The following D2HGDH variants were observed in gnomAD, a reference collection of about 807,000 sequenced individuals.
The protein encoded by D2HGDH is D-2-hydroxyglutarate dehydrogenase, mitochondrial.
In D2HGDH, 31 loss-of-function variants were observed where a neutral mutation model predicts 46.9. That is an observed-to-expected ratio of 0.66 (90% confidence interval 0.50 to 0.89). D2HGDH has a LOEUF of 0.89. D2HGDH is among the 40% of genes least tolerant of loss of function. D2HGDH has a pLI of 0.00. For missense variants in D2HGDH, 698 were observed against 720.8 expected (o/e 0.97, Z 0.36); for synonymous variants, 364 against 332.6 (o/e 1.09, Z -1.03).
intron 6 of D2HGDH, chr2:241,749,706 G>T (rs1209861439): frequency 9.0e-6 from 3 of 334,544 alleles, no homozygotes; most frequent in Non-Finnish European, 1.8e-5. Flanking sequence ...CTCAGGTGCT[G>T]TGTGGTTCTT....
chr2:241,746,231 C>T (rs924400761), intron 6 of D2HGDH, among the ~76,000 whole-genome samples: 6 of 152,250 alleles, frequency 3.9e-5, no homozygotes, highest in Non-Finnish European at 5.9e-5. Context: ...TTGTCATCAT[C>T]GTGTCTCTCT....
At position 241,755,363 on chromosome 2, in the gene D2HGDH, G is replaced by GCCCCCTTCCCTACCCTGCC. The variant is rs1344221786; in HGVS notation, c.1141-483_1141-465dup. The GCCCCCTTCCCTACCCTGCC allele has an allele frequency of 1.0e-5, 13 of 1,303,576 alleles. No individual in the cohort carries two copies. The African/African-American group carries it at 2.0e-4, about 20-fold the overall frequency. The allele number at this position is 1,303,576 out of a possible 1,614,324, so 80.8% of individuals were successfully genotyped here. On this transcript the variant is annotated intron_variant, in intron 8 of 9. Coordinates refer to ENST00000321264, the MANE Select transcript of D2HGDH (RefSeq NM_152783.5). ...GTCCCCACTGCCTGTGTGACTCTGCGCCCCCTTCCCTACCCTGCCCCACCC... is the reference window on the plus strand; with the variant it reads ...GTCCCCACTGCCTGTGTGACTCTGCGCCCCCTTCCCTACCCTGCCCCCCCTTCCCTACCCTGCCCCACCC...
intron 9 of D2HGDH, among the ~76,000 whole-genome samples, chr2:241,756,888 TG>T (rs1341464658): frequency 1.3e-5 from 2 of 151,730 alleles, no homozygotes; most frequent in Admixed American, 6.6e-5. Flanking sequence ...AGGGCAGGGG[TG>T]GGGGCAGTGC....
chr2:241,755,765 T>C (rs1698095314), intron 8 of D2HGDH, 84 bp from the exon 9 acceptor site: 2 of 1,610,866 alleles, frequency 1.2e-6, no homozygotes, highest in Middle Eastern at 1.7e-4. Flanking sequence ...AACATGCTGC[T>C]GCCCTAACCC....
intron 9 of D2HGDH, among the ~76,000 whole-genome samples, 171 bp from the exon 10 acceptor site, chr2:241,767,539 A>G (rs1575351191): frequency 6.6e-6 from 1 of 150,620 alleles, no homozygotes; most frequent in African/African-American, 2.4e-5. Flanking sequence ...CCAAGGTAGC[A>G]GCGGCCCCAG....
At chr2:241,746,887 CA>C (rs148116391) in intron 6 of D2HGDH, among the ~76,000 whole-genome samples, 766 of 68,614 alleles carry the variant, frequency 0.011, 6 homozygotes, top group African/African-American at 0.026. Flanking sequence ...GACTCCATCT[CA>C]AAAAAAAAAA....
intron 2 of D2HGDH, among the ~76,000 whole-genome samples, chr2:241,740,581 G>A (rs1049843448): frequency 2.6e-5 from 4 of 152,180 alleles, no homozygotes; most frequent in African/African-American, 9.7e-5. Flanking sequence ...GTGCAGTGTT[G>A]CGATCATAGC....
At chr2:241,746,481 C>T (rs1399102927) in intron 6 of D2HGDH, among the ~76,000 whole-genome samples, 1 of 152,184 alleles carries the variant, frequency 6.6e-6, no homozygotes, top group East Asian at 1.9e-4. Context: ...TGTCTTTAAA[C>T]ATAGTTTGAC....
chr2:241,739,834 G>A (rs1334924572), intron 2 of D2HGDH, among the ~76,000 whole-genome samples: 2 of 152,238 alleles, frequency 1.3e-5, no homozygotes, highest in Admixed American at 1.3e-4. Flanking sequence ...CGAAGGGAAA[G>A]CCCTCCCTCG....
chr2:241,745,363 C>T lies in D2HGDH; in HGVS notation c.853+486C>T, dbSNP rs910447509. On this transcript the variant is annotated intron_variant, in intron 6 of 9. Coordinates refer to ENST00000321264, the MANE Select transcript of D2HGDH (RefSeq NM_152783.5). ...CCTGCTTCACTCACAGCCACTTCTT[C>T]GGTTCTCCTGGGACCTGCCTGCGGC... 2.6e-5 allele frequency among the ~76,000 whole-genome samples: 4 copies of T among 152,236 alleles called. No homozygotes were observed. The South Asian group carries it at 8.3e-4, about 32-fold the overall frequency.
intron 6 of D2HGDH, among the ~76,000 whole-genome samples, chr2:241,748,056 C>T (rs1424166327): frequency 1.3e-5 from 2 of 152,194 alleles, no homozygotes; most frequent in Non-Finnish European, 2.9e-5. Context: ...CGGCCAACAG[C>T]GTTGACTTGG....
At chr2:241,738,795 C>T (rs926248213) in intron 2 of D2HGDH, among the ~76,000 whole-genome samples, 4 of 152,170 alleles carry the variant, frequency 2.6e-5, no homozygotes, top group South Asian at 4.1e-4. Context: ...TTGGTGAGGG[C>T]GAGGCTGAAT....
rs1021662415 is a variant in D2HGDH, at chr2:241,768,395, A to G, written c.*426A>G. ...GCAGCGGGGGGCATGCGTGGGCAGC[A>G]GGGGGCGTGGGCAGCGGGGGCACGG... On this transcript the variant is annotated 3_prime_UTR_variant, in exon 10 of 10. Coordinates refer to ENST00000321264, the MANE Select transcript of D2HGDH (RefSeq NM_152783.5). 4.3e-5 allele frequency: 8 copies of G among 187,362 alleles called. No homozygotes were observed. Among genetic ancestry groups the G allele is most frequent in the African/African-American group, 9.7e-5 (4 of 41,146 alleles). The allele number at this position is 187,362 out of a possible 1,614,324, so 11.6% of individuals were successfully genotyped here. A position where few individuals can be genotyped will look rare whatever the true frequency, so the allele number is the denominator to read the frequency against.
At chr2:241,764,624 C>T (rs35652684) in intron 9 of D2HGDH, among the ~76,000 whole-genome samples, 3,144 of 152,338 alleles carry the variant, frequency 0.021, 187 homozygotes, top group East Asian at 0.11. Flanking sequence ...ATTCCTGTGC[C>T]GCTCTGAGGC....
chr2:241,750,075 TTGC>T (rs1227875073), intron 6 of D2HGDH, 73 bp from the exon 7 acceptor site: 1 of 1,609,020 alleles, frequency 6.2e-7, no homozygotes, highest in African/African-American at 1.3e-5. Context: ...CGGGCTGATG[TTGC>T]TGCTTTGAAG....
At chr2:241,756,887 G>A (rs1431877439) in intron 9 of D2HGDH, among the ~76,000 whole-genome samples, 2 of 152,134 alleles carry the variant, frequency 1.3e-5, no homozygotes, top group Non-Finnish European at 2.9e-5. Context: ...TAGGGCAGGG[G>A]TGGGGGCAGT....
chr2:241,741,083 A>G lies in D2HGDH; in HGVS notation c.343A>G (p.Ile115Val). Residue 115 changes from isoleucine (I) to valine (V), a missense_variant, in exon 3 of 10, where the codon ATC (isoleucine) becomes GTC (valine). Transcript: ENST00000321264. ...ACGGACGTCGGAGGAGGTGTCCCAC[A>G]TCCTCAGGTGAGGTGGTGGCTCCCG... ...RPRTSEEVSHILRHCHERNLA... is the reference protein window; with the variant it reads ...RPRTSEEVSHVLRHCHERNLA... 5.6e-6 allele frequency: 9 copies of G among 1,613,746 alleles called. No individual in the cohort carries two copies. Among genetic ancestry groups the G allele is most frequent in the Non-Finnish European group, 6.8e-6 (8 of 1,179,876 alleles).
chr2:241,748,474 G>A (rs1696453688), intron 6 of D2HGDH, among the ~76,000 whole-genome samples: 2 of 152,168 alleles, frequency 1.3e-5, no homozygotes, highest in Admixed American at 1.3e-4. Flanking sequence ...TGTTTTCACT[G>A]GGCACTGGGT....
chr2:241,734,711 CGCGCGGA>C lies in D2HGDH; in HGVS notation c.-93+21_-93+27del, dbSNP rs1559331722. On this transcript the variant is annotated intron_variant, in intron 1 of 9. Coordinates refer to ENST00000321264, the MANE Select transcript of D2HGDH (RefSeq NM_152783.5). ...GTGATCGTGGGTGCGTGCGCGCGGC[CGCGCGGA>C]GCGCTGGGCTGAGGGTCCCGGTCTG... The C allele has an allele frequency of 6.6e-6, 1 of 152,172 alleles. No individual in the cohort carries two copies. Among genetic ancestry groups the C allele is most frequent in the African/African-American group, 2.4e-5 (1 of 41,328 alleles). 9.4% of individuals were successfully genotyped at this position (152,172 alleles called of 1,614,324 possible). A position where few individuals can be genotyped will look rare whatever the true frequency, so the allele number is the denominator to read the frequency against.
Sources: allele counts gnomAD v4.1 joint callset (sites outside exome capture counted in the v4.1 genomes callset), GRCh38; gene constraint gnomAD v4.1.1; transcripts MANE v1.5; gene names NCBI Gene and HGNC (gene_info 2026-07-23, HGNC 2026-07-21).